Variants in CSMD3 observed in about 807,000 individuals in gnomAD.
CSMD3 encodes CUB and Sushi multiple domains 3.
Under a neutral mutation model 435.2 loss-of-function variants are expected in CSMD3, and 177 were observed. The ratio of observed to expected loss-of-function variants is 0.41; its 90% confidence interval spans 0.36 to 0.46. CSMD3 has a LOEUF of 0.46. CSMD3 is among the 20% of genes least tolerant of loss of function. The probability of loss-of-function intolerance (pLI) is 0.34; values close to 1 mark genes in which losing one functional copy is unlikely to be tolerated. For synonymous variants in CSMD3, 1,656 were observed against 1,520.5 expected (o/e 1.09, Z -2.07); for missense variants, 4,265 against 4,504.6 (o/e 0.95, Z 1.52).
intron 6 of CSMD3, among the ~76,000 whole-genome samples, chr8:112,978,151 A>G (rs540335364): frequency 5.9e-5 from 9 of 152,178 alleles, no homozygotes; most frequent in African/African-American, 1.4e-4. Flanking sequence ...TCAGACTTTC[A>G]GGTTTAATTT....
At chr8:113,234,772 C>G (rs2093128785) in intron 3 of CSMD3, among the ~76,000 whole-genome samples, 1 of 152,046 alleles carries the variant, frequency 6.6e-6, no homozygotes, top group Admixed American at 6.6e-5. Context: ...TCTGGGGATG[C>G]AAATGGTGTA....
At chr8:113,435,469 C>T (rs906464883) in intron 1 of CSMD3, among the ~76,000 whole-genome samples, 4 of 152,276 alleles carry the variant, frequency 2.6e-5, no homozygotes, top group South Asian at 4.1e-4. Context: ...GGACAGCCAG[C>T]TGCAAGCTGG....
intron 32 of CSMD3, among the ~76,000 whole-genome samples, chr8:112,422,979 A>T (rs947089277): frequency 6.6e-6 from 1 of 152,158 alleles, no homozygotes; most frequent in African/African-American, 2.4e-5. Flanking sequence ...TAGTTACTTA[A>T]CCTTCTCCAG....
intron 10 of CSMD3, among the ~76,000 whole-genome samples, chr8:112,867,112 C>T (rs1304065714): frequency 6.6e-6 from 1 of 152,098 alleles, no homozygotes; most frequent in African/African-American, 2.4e-5. Flanking sequence ...TTTCAGCAGA[C>T]AATGAGATTC....
chr8:113,001,350 A>C (rs1323753979), intron 6 of CSMD3, among the ~76,000 whole-genome samples: 33 of 152,092 alleles, frequency 2.2e-4, no homozygotes. Context: ...GCTATGTTTT[A>C]GCCACATGGG....
rs1274714229 is a variant in CSMD3 at position 113,051,986 on chromosome 8, CTTGTTTAAT to C, written c.918-32816_918-32808del. Among the ~76,000 whole-genome samples the C allele has an allele frequency of 7.9e-5, 12 of 152,188 alleles. No homozygotes were observed. The East Asian group carries it at 2.3e-3, about 29-fold the overall frequency. On this transcript the variant is annotated intron_variant, in intron 5 of 70. Coordinates refer to ENST00000297405, the MANE Select transcript of CSMD3 (RefSeq NM_198123.2). Reference sequence around the variant, plus strand: ...TACATTTGGAGATCTGTTTCTGGTACTTGTTTAATTTTTTGTTTCCTATTAGTAGGATTT... The same window carrying C: ...TACATTTGGAGATCTGTTTCTGGTACTTTTTGTTTCCTATTAGTAGGATTT...
chr8:113,033,294 G>T (rs763197334), intron 5 of CSMD3, among the ~76,000 whole-genome samples: 1 of 151,660 alleles, frequency 6.6e-6, no homozygotes, highest in Non-Finnish European at 1.5e-5. Context: ...TGCCAGCCAT[G>T]AAAGCAGCCG....
At chr8:112,337,453 T>A in intron 43 of CSMD3, 90 bp downstream of exon 43, 1 of 950,640 alleles carries the variant, frequency 1.1e-6, no homozygotes, top group Non-Finnish European at 1.7e-6. Flanking sequence ...TTTAGCATGC[T>A]ATTGGAAGAG....
chr8:112,474,658 C>G (rs900182564), intron 31 of CSMD3, among the ~76,000 whole-genome samples: 2 of 152,040 alleles, frequency 1.3e-5, no homozygotes, highest in African/African-American at 4.8e-5. Context: ...TTTTAAAGAG[C>G]ACTGCATGCA....
Position 112,843,263 on chromosome 8 carries a change from G to A in CSMD3, c.1756-13474C>T, listed in dbSNP as rs905810096. On this transcript the variant is annotated intron_variant, in intron 11 of 70. Coordinates refer to ENST00000297405, the MANE Select transcript of CSMD3 (RefSeq NM_198123.2). Reference sequence around the variant, plus strand: ...AAAGATGGTAGCTTTAAGAGGTGATGTGCCTTGAGGGCTCCTCCCTTGTAA... The same window carrying A: ...AAAGATGGTAGCTTTAAGAGGTGATATGCCTTGAGGGCTCCTCCCTTGTAA... Among the ~76,000 whole-genome samples the A allele has an allele frequency of 9.9e-5, 15 of 151,828 alleles. No individual in the cohort carries two copies. In the East Asian group the frequency reaches 1.9e-3, roughly 20 times the overall value.
chr8:112,861,358 T>C (rs1296248829), intron 10 of CSMD3, among the ~76,000 whole-genome samples: 2 of 151,920 alleles, frequency 1.3e-5, no homozygotes, highest in African/African-American at 4.8e-5. Context: ...ATAGGGAGTA[T>C]AAAATTATTC....
At chr8:112,717,672 T>C (rs1475492907) in intron 13 of CSMD3, among the ~76,000 whole-genome samples, 8 of 152,052 alleles carry the variant, frequency 5.3e-5, no homozygotes, top group Non-Finnish European at 1.0e-4. Context: ...CAAATGCCCA[T>C]TGATGATAGA....
rs141506092 is a variant in CSMD3 at position 112,709,712 on chromosome 8, C to T, written c.1973-19662G>A. Among the ~76,000 whole-genome samples the T allele has an allele frequency of 2.6e-5, 4 of 151,738 alleles. 1 individual carries two copies. Among genetic ancestry groups the T allele is most frequent in the Admixed American group, 2.0e-4 (3 of 15,184 alleles). Reference sequence around the variant, plus strand: ...ATTAAAATGGGACTGCTGTTTTAGGCAAAGTAAATATAAACAAAGAATAAA... The same window carrying T: ...ATTAAAATGGGACTGCTGTTTTAGGTAAAGTAAATATAAACAAAGAATAAA... On this transcript the variant is annotated intron_variant, in intron 13 of 70. Coordinates refer to ENST00000297405, the MANE Select transcript of CSMD3 (RefSeq NM_198123.2).
chr8:113,376,842 G>A, intron 1 of CSMD3: 1 of 1,612,894 alleles, frequency 6.2e-7, no homozygotes, highest in Non-Finnish European at 8.5e-7. Context: ...GCAACAACCG[G>A]CCACCTCTGC....
chr8:112,259,439 A>C (rs1380953026), intron 61 of CSMD3, among the ~76,000 whole-genome samples: 1 of 152,026 alleles, frequency 6.6e-6, no homozygotes. Context: ...GGGGCCTGTC[A>C]GGGGGTGAGG....
At chr8:112,377,218 G>A (rs79547638) in intron 38 of CSMD3, among the ~76,000 whole-genome samples, 2,775 of 151,788 alleles carry the variant, frequency 0.018, 40 homozygotes, top group Non-Finnish European at 0.028. Context: ...AGACTACTAT[G>A]AACAATTACA....
At position 113,341,665 on chromosome 8, in the gene CSMD3, T is replaced by C. The variant is rs538356025; in HGVS notation, c.179-26872A>G. 2.6e-5 allele frequency among the ~76,000 whole-genome samples: 4 copies of C among 152,270 alleles called. No homozygotes were observed. In the East Asian group the frequency reaches 7.7e-4, roughly 29 times the overall value. ...GAGGGAAATAAAAAATGTTCAAATT[T>C]GATTCCCGAAGGAGTTAAACTTATT... On this transcript the variant is annotated intron_variant, in intron 1 of 70. Transcript: ENST00000297405.
At chr8:113,411,438 C>T (rs970870653) in intron 1 of CSMD3, among the ~76,000 whole-genome samples, 6 of 152,126 alleles carry the variant, frequency 3.9e-5, no homozygotes, top group African/African-American at 1.4e-4. Context: ...AATGGAAACA[C>T]CCTCATTTGA....
At chr8:112,774,769 C>T (rs1454145245) in intron 13 of CSMD3, among the ~76,000 whole-genome samples, 1 of 152,014 alleles carries the variant, frequency 6.6e-6, no homozygotes, top group Non-Finnish European at 1.5e-5. Context: ...GGGCTTCTAT[C>T]TTTTCTGTAT....
Sources: allele counts gnomAD v4.1 joint callset (sites outside exome capture counted in the v4.1 genomes callset), GRCh38; gene constraint gnomAD v4.1.1; transcripts MANE v1.5; gene names NCBI Gene and HGNC (gene_info 2026-07-23, HGNC 2026-07-21).